Variants in OLFM3 observed in about 807,000 individuals in gnomAD.
OLFM3 encodes noelin-3.
OLFM3 carries 20 observed loss-of-function variants against 48.6 expected under a neutral mutation model. That is an observed-to-expected ratio of 0.41 (90% CI 0.29 to 0.60). OLFM3 has a LOEUF of 0.60. OLFM3 is among the 20% of genes least tolerant of loss of function. The pLI is 0.28. For missense variants in OLFM3, 437 were observed against 544.3 expected (o/e 0.80, Z 1.96); for synonymous variants, 222 against 198.1 (o/e 1.12, Z -1.01).
intron 4 of OLFM3, chr1:101,812,356 A>G (rs903465941): frequency 3.4e-6 from 3 of 870,484 alleles, no homozygotes; most frequent in African/African-American, 3.6e-5. Flanking sequence ...ATAAAATTAA[A>G]CTTCAAAGTG....
chr1:101,950,065 G>A (rs900202325), intron 1 of OLFM3, among the ~76,000 whole-genome samples: 1 of 150,470 alleles, frequency 6.6e-6, no homozygotes, highest in African/African-American at 2.4e-5. Flanking sequence ...GCCTCTGATG[G>A]CTGCAGTTTT....
chr1:101,842,361 C>T (rs575235640), intron 1 of OLFM3, among the ~76,000 whole-genome samples: 2 of 152,064 alleles, frequency 1.3e-5, no homozygotes, highest in South Asian at 2.1e-4. Flanking sequence ...TAATGAGACC[C>T]CCTCATCTCT....
intron 1 of OLFM3, among the ~76,000 whole-genome samples, chr1:101,852,564 C>A (rs1464082744): frequency 6.6e-6 from 1 of 152,044 alleles, no homozygotes; most frequent in African/African-American, 2.4e-5. Flanking sequence ...CAGCAGACCT[C>A]TCCTATCAAT....
chr1:101,813,114 T>C, intron 4 of OLFM3: 2 of 1,287,790 alleles, frequency 1.6e-6, no homozygotes, highest in Middle Eastern at 2.1e-4. Flanking sequence ...TTCTGTTGCC[T>C]TTTTTCTTCT....
chr1:101,917,111 G>A (rs1053797023), intron 1 of OLFM3, among the ~76,000 whole-genome samples: 1 of 152,054 alleles, frequency 6.6e-6, no homozygotes, highest in Non-Finnish European at 1.5e-5. Flanking sequence ...TATGATTTAA[G>A]AGTACAATAT....
At chr1:101,880,237 C>T (rs1166333329) in intron 1 of OLFM3, among the ~76,000 whole-genome samples, 2 of 151,586 alleles carry the variant, frequency 1.3e-5, no homozygotes, top group Non-Finnish European at 2.9e-5. Context: ...CTCAAATGAC[C>T]CTCCTATTTT....
Position 101,804,971 on chromosome 1 carries a change from C to A in OLFM3, c.700-56G>T. The stretch of plus-strand genomic sequence containing the variant: ...ACTAAATTCTGTACTTTTCTGATAA[C>A]CCCAAAAGAAAGACAGTGAGAGTCA... On this transcript the variant is annotated intron_variant, in intron 5 of 5. Transcript: ENST00000370103. The surrounding 1 kb of genome is among the most constrained non-coding windows in gnomAD (Gnocchi z 4.5). 5 of 1,364,456 alleles carry A rather than the reference C, an allele frequency of 3.7e-6. No individual in the cohort carries two copies. In the East Asian group the frequency reaches 7.0e-5, roughly 19 times the overall value. 84.5% of individuals were successfully genotyped at this position (1,364,456 alleles called of 1,614,324 possible). A position where few individuals can be genotyped will look rare whatever the true frequency, so the allele number is the denominator to read the frequency against.
intron 1 of OLFM3, among the ~76,000 whole-genome samples, chr1:101,895,194 T>A (rs1360276193): frequency 6.6e-6 from 1 of 152,118 alleles, no homozygotes; most frequent in Admixed American, 6.5e-5. Context: ...TATTTCTCCA[T>A]CAGTTTTACC....
At chr1:101,937,019 T>C (rs1659642259) in intron 1 of OLFM3, among the ~76,000 whole-genome samples, 1 of 152,114 alleles carries the variant, frequency 6.6e-6, no homozygotes, top group Non-Finnish European at 1.5e-5. Context: ...TTCTGGAAGT[T>C]AACCTGGGAA....
chr1:101,894,416 T>G (rs1157063614), intron 1 of OLFM3, among the ~76,000 whole-genome samples: 4 of 152,152 alleles, frequency 2.6e-5, no homozygotes, highest in Admixed American at 6.6e-5. Flanking sequence ...ATATTAAATA[T>G]ATACTGAGAT....
intron 1 of OLFM3, among the ~76,000 whole-genome samples, chr1:101,916,961 T>C (rs1427556428): frequency 1.3e-5 from 2 of 152,224 alleles, no homozygotes; most frequent in Non-Finnish European, 2.9e-5. Flanking sequence ...GGAAAAATGC[T>C]GCACTAAGCT....
At chr1:101,839,834 A>G (rs1235148395) in intron 1 of OLFM3, among the ~76,000 whole-genome samples, 2 of 152,214 alleles carry the variant, frequency 1.3e-5, no homozygotes, top group Admixed American at 1.3e-4. Context: ...TGTACTTCCA[A>G]TTGTCTTATT....
intron 4 of OLFM3, among the ~76,000 whole-genome samples, chr1:101,814,589 G>T (rs1213735180): frequency 6.6e-6 from 1 of 152,098 alleles, no homozygotes; most frequent in Non-Finnish European, 1.5e-5. Context: ...ATTTACTGGA[G>T]CAGTTGTTTA....
intron 1 of OLFM3, among the ~76,000 whole-genome samples, chr1:101,956,772 A>G (rs549216784): frequency 6.6e-6 from 1 of 152,058 alleles, no homozygotes; most frequent in East Asian, 1.9e-4. Flanking sequence ...ACATGTAACT[A>G]CAACTGGACA....
rs1391604230 is a variant in OLFM3 at position 101,894,747 on chromosome 1, G to T, written c.70-57722C>A. ...GTCCAATAAAGGGAACACTAATACA[G>T]ATTGTAATTGTATTTCAGTAATTTA... On this transcript the variant is annotated intron_variant, in intron 1 of 5. Coordinates refer to ENST00000370103, the MANE Select transcript of OLFM3 (RefSeq NM_058170.4). Among the ~76,000 whole-genome samples the T allele has an allele frequency of 2.0e-5, 3 of 152,190 alleles. No homozygotes were observed. In the East Asian group the frequency reaches 5.8e-4, roughly 29 times the overall value.
At chr1:101,932,727 C>G (rs959516125) in intron 1 of OLFM3, among the ~76,000 whole-genome samples, 4 of 152,182 alleles carry the variant, frequency 2.6e-5, no homozygotes, top group African/African-American at 9.7e-5. Flanking sequence ...AGCATAATAA[C>G]TCTGGTAACT....
chr1:101,840,076 C>T (rs1336256799), intron 1 of OLFM3, among the ~76,000 whole-genome samples: 1 of 151,788 alleles, frequency 6.6e-6, no homozygotes, highest in African/African-American at 2.4e-5. Context: ...TTTAGAGAAT[C>T]CATGCTGGCA....
intron 1 of OLFM3, among the ~76,000 whole-genome samples, chr1:101,955,683 C>T (rs1570664087): frequency 6.6e-6 from 1 of 151,876 alleles, no homozygotes; most frequent in East Asian, 1.9e-4. Context: ...ATTTTGGTTC[C>T]TTATTTTCAC....
chr1:101,933,303 A>G (rs1462365791), intron 1 of OLFM3, among the ~76,000 whole-genome samples: 2 of 151,868 alleles, frequency 1.3e-5, no homozygotes, highest in Admixed American at 6.6e-5. Context: ...TCACATCAAT[A>G]ATTTCAGAAT....
Sources: gnomAD v4.1 joint callset for allele counts (sites outside exome capture counted in the v4.1 genomes callset) on GRCh38, gnomAD v4.1.1 for gene constraint, Gnocchi (gnomAD v3.1) non-coding constraint, MANE v1.5 for transcripts, NCBI Gene and HGNC (gene_info 2026-07-23, HGNC 2026-07-21) for gene names.